NPHP4: variants seen among roughly 807,000 people sequenced by gnomAD.
The protein encoded by NPHP4 is nephrocystin-4.
NPHP4 carries 151 observed loss-of-function variants against 155.8 expected under a neutral mutation model. The observed-to-expected ratio is 0.97, with a 90% CI of 0.85 to 1.11. The LOEUF is 1.11. Ranked by LOEUF, NPHP4 falls within the 50% of genes least tolerant of loss-of-function variation. NPHP4 has a pLI of 0.00. For synonymous variants in NPHP4, 845 were observed against 816.8 expected (o/e 1.03, Z -0.59); for missense variants, 1,956 against 1,925.7 (o/e 1.02, Z -0.29).
chr1:5,960,969 G>A (rs1437256257), intron 6 of NPHP4, among the ~76,000 whole-genome samples: 1 of 152,208 alleles, frequency 6.6e-6, no homozygotes, highest in Non-Finnish European at 1.5e-5. Flanking sequence ...ACAATCAGCA[G>A]AACATGGTCC....
intron 12 of NPHP4, 143 bp from the exon 13 acceptor site, chr1:5,907,365 C>G: frequency 2.1e-6 from 1 of 486,714 alleles, no homozygotes; most frequent in East Asian, 3.4e-5. Flanking sequence ...GCCTCCTGGC[C>G]AGGGCAGCTC....
At chr1:5,973,877 T>C (rs1009122192) in intron 3 of NPHP4, among the ~76,000 whole-genome samples, 3 of 152,232 alleles carry the variant, frequency 2.0e-5, no homozygotes, top group South Asian at 4.1e-4. Context: ...CCTAGAGCCA[T>C]AGAGCCTCCC....
intron 5 of NPHP4, among the ~76,000 whole-genome samples, chr1:5,966,653 T>A (rs1166225790): frequency 6.6e-6 from 1 of 151,740 alleles, no homozygotes; most frequent in Non-Finnish European, 1.5e-5. Context: ...CCCCAACAGA[T>A]CCACCTCCGG....
In NPHP4 at chr1:5,890,782, C is replaced by T; in HGVS notation, c.2304+86G>A. The T allele has an allele frequency of 7.2e-7, 1 of 1,380,624 alleles. No homozygotes were observed. Among genetic ancestry groups the T allele is most frequent in the Non-Finnish European group, 1.0e-6 (1 of 1,000,092 alleles). 85.5% of individuals were successfully genotyped at this position (1,380,624 alleles called of 1,614,324 possible). ...GTCCTGTGCGGGATAGCGCCCGCTC[C>T]TTCCAAGCAGACAGACGCTGGAAGC... On this transcript the variant is annotated intron_variant, in intron 17 of 29. Transcript: ENST00000378156. This position sits in a 1 kb window ranked among gnomAD's most constrained non-coding sequence, Gnocchi z 4.9.
At chr1:5,917,712 A>G (rs1281997692) in intron 11 of NPHP4, among the ~76,000 whole-genome samples, 1 of 152,206 alleles carries the variant, frequency 6.6e-6, no homozygotes, top group Non-Finnish European at 1.5e-5. Context: ...TGCTTCAATG[A>G]TAAGACTCTT....
intron 9 of NPHP4, among the ~76,000 whole-genome samples, chr1:5,942,957 T>C (rs970726260): frequency 6.6e-6 from 1 of 152,238 alleles, no homozygotes. Context: ...GGTTTGCCCC[T>C]GTTGCATTTC....
chr1:5,879,484 T>C (rs11121915), intron 19 of NPHP4: 57 of 517,452 alleles, frequency 1.1e-4, no homozygotes, highest in South Asian at 8.0e-4. Flanking sequence ...CAACATAGGG[T>C]ACTTCAACTT....
chr1:5,962,166 TC>T (rs1405275879), intron 5 of NPHP4, among the ~76,000 whole-genome samples: 1 of 152,190 alleles, frequency 6.6e-6, no homozygotes. Context: ...TTTTAATTTT[TC>T]TTTTTTGTTT....
At chr1:5,970,652 C>A (rs571274795) in intron 3 of NPHP4, among the ~76,000 whole-genome samples, 5 of 152,210 alleles carry the variant, frequency 3.3e-5, no homozygotes, top group Admixed American at 3.3e-4. Flanking sequence ...GGGCAAAGCA[C>A]AGGTCACCAG....
intron 6 of NPHP4, among the ~76,000 whole-genome samples, chr1:5,956,126 A>T (rs2102048983): frequency 6.6e-6 from 1 of 151,838 alleles, no homozygotes; most frequent in East Asian, 1.9e-4. Context: ...CATTTCCCAG[A>T]CCGACTTCCT....
At chr1:5,930,738 T>A (rs1307308372) in intron 10 of NPHP4, among the ~76,000 whole-genome samples, 1 of 152,204 alleles carries the variant, frequency 6.6e-6, no homozygotes, top group Non-Finnish European at 1.5e-5. Context: ...ACAACGTGTA[T>A]CCTGCTGTTG....
intron 12 of NPHP4, among the ~76,000 whole-genome samples, chr1:5,907,866 A>T (rs918853858): frequency 1.3e-5 from 2 of 152,250 alleles, no homozygotes; most frequent in African/African-American, 4.8e-5. Context: ...AGGGTTTGGC[A>T]TAGTACCTGG....
chr1:5,989,701 G>A (rs1366852066), intron 1 of NPHP4, among the ~76,000 whole-genome samples: 2 of 152,226 alleles, frequency 1.3e-5, no homozygotes, highest in Non-Finnish European at 2.9e-5. Flanking sequence ...ATTTCAGAGA[G>A]GAAGTCTCTC....
rs1641021991 is a variant in NPHP4, at chr1:5,864,694, C to T, written c.3817-177G>A. ...TGACTGTGGCCGCGACTTGGGTCCA[C>T]ACCAGGCAAGTCCCTCCTCTCACAC... is the stretch of plus-strand genomic sequence containing the variant. On this transcript the variant is annotated intron_variant, in intron 27 of 29. Coordinates refer to ENST00000378156, the MANE Select transcript of NPHP4 (RefSeq NM_015102.5). 3 of 570,000 alleles carry T rather than the reference C, an allele frequency of 5.3e-6. No individual in the cohort carries two copies. The East Asian group carries it at 8.6e-5, about 16-fold the overall frequency. 35.3% of individuals were successfully genotyped at this position (570,000 alleles called of 1,614,324 possible). A position where few individuals can be genotyped will look rare whatever the true frequency, so the allele number is the denominator to read the frequency against.
intron 9 of NPHP4, 130 bp from the exon 10 acceptor site, chr1:5,933,459 T>TG (rs1646383276): frequency 1.4e-6 from 1 of 727,700 alleles, no homozygotes; most frequent in Non-Finnish European, 2.4e-6. Flanking sequence ...GATCATCAGT[T>TG]GCATTTTATA....
At chr1:5,912,307 G>A (rs1411341856) in intron 11 of NPHP4, among the ~76,000 whole-genome samples, 2 of 152,330 alleles carry the variant, frequency 1.3e-5, no homozygotes, top group Non-Finnish European at 2.9e-5. Context: ...GGGAGGCCGA[G>A]GCGGGTGGAT....
Position 5,961,981 on chromosome 1 carries a change from T to C in NPHP4, c.518-32A>G, listed in dbSNP as rs115895668. The stretch of plus-strand genomic sequence containing the variant: ...AAGAAAACACAATGTGATCAACTGA[T>C]AGCTGAAAGCAAAGGTGCTTCCAGT... On this transcript the variant is annotated intron_variant, in intron 5 of 29. Coordinates refer to ENST00000378156, the MANE Select transcript of NPHP4 (RefSeq NM_015102.5). The C allele has an allele frequency of 2.8e-3, 4,454 of 1,568,018 alleles. 101 individuals carry two copies. The African/African-American group carries it at 0.053, about 19-fold the overall frequency.
At chr1:5,891,856 G>A (rs1644144700) in intron 16 of NPHP4, among the ~76,000 whole-genome samples, 1 of 152,224 alleles carries the variant, frequency 6.6e-6, no homozygotes, top group Non-Finnish European at 1.5e-5. Flanking sequence ...CAGCCCCACA[G>A]GATGACCACA....
intron 9 of NPHP4, among the ~76,000 whole-genome samples, chr1:5,943,865 G>A (rs1452078667): frequency 6.6e-6 from 1 of 152,196 alleles, no homozygotes. Context: ...TGAGCCATCT[G>A]TAGATGAAAG....
Sources: gnomAD v4.1 joint callset for allele counts (sites outside exome capture counted in the v4.1 genomes callset) on GRCh38, gnomAD v4.1.1 for gene constraint, Gnocchi (gnomAD v3.1) non-coding constraint, MANE v1.5 for transcripts, NCBI Gene and HGNC (gene_info 2026-07-23, HGNC 2026-07-21) for gene names.